Variants in MAOB observed in about 807,000 individuals in gnomAD.
MAOB encodes amine oxidase [flavin-containing] B.
MAOB carries 15 observed loss-of-function variants against 41.9 expected under a neutral mutation model. The ratio of observed to expected loss-of-function variants is 0.36; its 90% CI spans 0.24 to 0.55. The LOEUF (loss-of-function observed/expected upper bound fraction) is 0.55, where lower values mean the gene tolerates loss of function less well. MAOB is among the 20% of genes least tolerant of loss of function. MAOB has a pLI of 0.86. For missense variants in MAOB, 345 were observed against 398.7 expected, an observed-to-expected ratio of 0.87 and a Z score of 1.15; for synonymous variants, 167 against 144.2, an observed-to-expected ratio of 1.16 and a Z score of -1.13.
In MAOB at chrX:43,787,736, T is replaced by A. The variant is rs6651629; in HGVS notation, c.928+5683A>T. Among the ~76,000 whole-genome samples, 384 of 111,989 alleles carry A rather than the reference T, an allele frequency of 3.4e-3. 2 individuals are homozygous for A. The highest frequency in any genetic ancestry group is 0.012 in the African/African-American group (356 of 30,839). On this transcript the variant is annotated intron_variant, in intron 8 of 14. Transcript: ENST00000378069. Reference sequence around the variant, plus strand: ...AAAAAGGTCAGTGGAACAGAAAGAATCAATGTGTATCTGAGAATTTAGTAG... The same window carrying A: ...AAAAAGGTCAGTGGAACAGAAAGAAACAATGTGTATCTGAGAATTTAGTAG...
chrX:43,868,764 G>A (rs1057424469), intron 1 of MAOB, among the ~76,000 whole-genome samples: 18 of 110,162 alleles, frequency 1.6e-4, no homozygotes, highest in Admixed American at 1.4e-3. Flanking sequence ...GCTCTTTCAC[G>A]GCACCGAGAG....
At chrX:43,782,898 T>C (rs1438550609) in intron 8 of MAOB, among the ~76,000 whole-genome samples, 1 of 111,714 alleles carries the variant, frequency 9.0e-6, no homozygotes, top group Non-Finnish European at 1.9e-5. Flanking sequence ...AACCACATGA[T>C]TACCTCAATA....
chrX:43,879,249 A>G (rs747170846), intron 1 of MAOB, among the ~76,000 whole-genome samples: 2 of 112,105 alleles, frequency 1.8e-5, no homozygotes, highest in Non-Finnish European at 3.8e-5. Context: ...CTTTTAAAAC[A>G]TCAAAAAAGA....
chrX:43,783,411 G>A (rs973887453), intron 8 of MAOB, among the ~76,000 whole-genome samples: 2 of 111,508 alleles, frequency 1.8e-5, no homozygotes, highest in African/African-American at 6.5e-5. Flanking sequence ...CAAAATACAG[G>A]CACACCTCAA....
At chrX:43,808,699 G>GACACACACACACACAC (rs147523888) in intron 3 of MAOB, among the ~76,000 whole-genome samples, 30 of 87,630 alleles carry the variant, frequency 3.4e-4, no homozygotes, top group South Asian at 2.7e-3. Context: ...TCTACACATA[G>GACACACACACACACAC]ACACACACAC....
intron 1 of MAOB, among the ~76,000 whole-genome samples, chrX:43,873,229 A>C (rs2035418820): frequency 8.9e-6 from 1 of 112,033 alleles, no homozygotes; most frequent in Non-Finnish European, 1.9e-5. Flanking sequence ...ATCAATACAC[A>C]ATTTAATACA....
In MAOB at chrX:43,802,251, C is replaced by T. The variant is rs763385013; in HGVS notation, c.397G>A (p.Ala133Thr). The part of the protein sequence containing the change: ...DDMGREIPSD[A>T]PWKAPLAEEW... ...TCTGCAAGGGGAGCCTTCCATGGGG[C>T]ATCACTCGGAATCTACATTCAGATG... Residue 133 changes from alanine (A) to threonine (T), a missense_variant, in exon 5 of 15, where the codon GCC (alanine) becomes ACC (threonine). By Grantham distance (58) the Ala-to-Thr change is moderately conservative (BLOSUM62 0). Transcript: ENST00000378069. 40 of 1,187,036 alleles carry T rather than the reference C, an allele frequency of 3.4e-5. No homozygotes were observed. The highest frequency in any genetic ancestry group is 4.6e-5 in the Non-Finnish European group (40 of 874,968).
In MAOB at chrX:43,767,496, G is replaced by A; in HGVS notation, c.1533C>T (p.Ala511=). Residue 511 remains alanine, a synonymous_variant, in exon 15 of 15, where the codon GCC becomes GCT. Transcript: ENST00000378069. Reference sequence around the variant, plus strand: ...CTCTCACAAGTAGCCCCCTTTTGTGGGCCAGGAAGCCAAGAGCCGTTGCTG... The same window carrying A: ...CTCTCACAAGTAGCCCCCTTTTGTGAGCCAGGAAGCCAAGAGCCGTTGCTG... The part of the protein sequence containing the change: ...IFSATALGFL[A]HKRGLLVRV 8.3e-7 allele frequency: 1 copy of A among 1,209,861 alleles called. No individual in the cohort carries two copies. Among genetic ancestry groups the A allele is most frequent in the South Asian group, 1.8e-5 (1 of 56,704 alleles).
At chrX:43,868,424 G>T (rs993988256) in intron 1 of MAOB, among the ~76,000 whole-genome samples, 11 of 111,661 alleles carry the variant, frequency 9.9e-5, no homozygotes, top group Admixed American at 9.6e-5. Flanking sequence ...TTTATCTACA[G>T]AAAACTCATT....
chrX:43,882,379 AGCCCGCCCGCCT>A lies in MAOB; in HGVS notation c.-92_-81del. On this transcript the variant is annotated 5_prime_UTR_variant, in exon 1 of 15. Coordinates refer to ENST00000378069, the MANE Select transcript of MAOB (RefSeq NM_000898.5). ...TCGATCCCAGTCCTGCCTGCCAGCC[AGCCCGCCCGCCT>A]GCCCGCCGGCCTGCTGCGCGCTGCC... 8.9e-7 allele frequency: 1 copy of A among 1,126,445 alleles called. No individual in the cohort carries two copies. The highest frequency in any genetic ancestry group is 1.8e-5 in the African/African-American group (1 of 54,164). The allele number at this position is 1,126,445 out of a possible 1,213,427, so 92.8% of individuals were successfully genotyped here. A position where few individuals can be genotyped will look rare whatever the true frequency, so the allele number is the denominator to read the frequency against.
intron 3 of MAOB, among the ~76,000 whole-genome samples, chrX:43,804,547 G>A (rs181402053): frequency 1.6e-3 from 179 of 111,187 alleles, no homozygotes; most frequent in African/African-American, 5.2e-3. Flanking sequence ...AGATATAGAT[G>A]GAGAGAGAGA....
At chrX:43,808,775 G>A (rs989471837) in intron 3 of MAOB, among the ~76,000 whole-genome samples, 1 of 109,459 alleles carries the variant, frequency 9.1e-6, no homozygotes, top group African/African-American at 3.3e-5. Flanking sequence ...CACAATCTTG[G>A]CTCACTGCAA....
At chrX:43,813,962 A>C (rs1397557527) in intron 3 of MAOB, among the ~76,000 whole-genome samples, 1 of 110,540 alleles carries the variant, frequency 9.0e-6, no homozygotes, top group African/African-American at 3.3e-5. Flanking sequence ...TGGTGGTTTG[A>C]GGTTGGTTGC....
chrX:43,821,467 G>A (rs112344830), intron 3 of MAOB, among the ~76,000 whole-genome samples: 1,494 of 111,381 alleles, frequency 0.013, 40 homozygotes, highest in African/African-American at 0.045. Flanking sequence ...TGACAGGCGC[G>A]CCCCTTGTCT....
chrX:43,847,577 A>T (rs925696317), intron 1 of MAOB, among the ~76,000 whole-genome samples: 1 of 111,566 alleles, frequency 9.0e-6, no homozygotes, highest in Non-Finnish European at 1.9e-5. Flanking sequence ...GTTCAACCCA[A>T]AACCTGAACT....
intron 8 of MAOB, among the ~76,000 whole-genome samples, chrX:43,785,014 G>A (rs920846874): frequency 8.9e-6 from 1 of 112,015 alleles, no homozygotes; most frequent in Non-Finnish European, 1.9e-5. Context: ...TGGGCATGGT[G>A]GTGTGTGACT....
At chrX:43,857,114 TATAGAGAGAGAGAGAGAGAGAGAGAGAG>T (rs2035299008) in intron 1 of MAOB, among the ~76,000 whole-genome samples, 2 of 11,461 alleles carry the variant, frequency 1.7e-4, no homozygotes, top group South Asian at 8.5e-3. Flanking sequence ...TATATATATA[TATAGAGAGAGAGAGAGAGAGAGAGAGAG>T]AGAGAGAGAG....
chrX:43,788,181 G>A (rs2034423247), intron 8 of MAOB, among the ~76,000 whole-genome samples: 1 of 110,979 alleles, frequency 9.0e-6, no homozygotes. Context: ...CAAGAGAGAG[G>A]GGAGGGAAGT....
At chrX:43,802,034 T>C (rs896669972) in intron 5 of MAOB, 138 bp downstream of exon 5, 1 of 519,825 alleles carries the variant, frequency 1.9e-6, no homozygotes, top group South Asian at 2.7e-5. Flanking sequence ...CCAATTCCAA[T>C]GGTTTTCAGC....
Sources: gnomAD v4.1 joint callset for allele counts (sites outside exome capture counted in the v4.1 genomes callset) on GRCh38, gnomAD v4.1.1 for gene constraint, MANE v1.5 for transcripts, NCBI Gene and HGNC (gene_info 2026-07-23, HGNC 2026-07-21) for gene names.